Variants in KIF13B observed in about 807,000 individuals in gnomAD.
KIF13B encodes kinesin family member 13B, also known as kinesin-like protein KIF13B.
Under a neutral mutation model 222.0 loss-of-function variants are expected in KIF13B, and 127 were observed. That is an observed-to-expected ratio of 0.57 (90% CI 0.50 to 0.66). KIF13B has a LOEUF of 0.66. Ranked by LOEUF, KIF13B falls within the 30% of genes least tolerant of loss-of-function variation. The pLI is 0.00. For synonymous variants in KIF13B, 976 were observed against 919.0 expected, an observed-to-expected ratio of 1.06 and a Z score of -1.12; for missense variants, 2,173 against 2,379.0, an observed-to-expected ratio of 0.91 and a Z score of 1.80.
chr8:29,153,590 C>T (rs1811392133), intron 14 of KIF13B, among the ~76,000 whole-genome samples: 2 of 151,418 alleles, frequency 1.3e-5, no homozygotes, highest in Non-Finnish European at 2.9e-5. Flanking sequence ...CTGAAGGACT[C>T]GTTTATTAAG....
In KIF13B at chr8:29,140,604, T is replaced by C. The variant is rs1339602148; in HGVS notation, c.2348A>G (p.Tyr783Cys). 1.2e-6 allele frequency: 2 copies of C among 1,613,054 alleles called. No homozygotes were observed. The highest frequency in any genetic ancestry group is 1.7e-5 in the Admixed American group (1 of 59,836). ...CEEDNPVIRSYFKRADPFYDE... is the reference protein window; with the variant it reads ...CEEDNPVIRSCFKRADPFYDE... The stretch of plus-strand genomic sequence containing the variant: ...ATAGAATGGATCAGCACGTTTGAAG[T>C]ATGATCGTATTACCTGTAAAGAGAT... The change falls in exon 20 of 40, where the codon TAC becomes TGC. Residue 783 changes from tyrosine (Y) to cysteine (C), a missense_variant. Around this residue, in one of 2 missense-constraint regions of KIF13B, gnomAD observed 1,480 missense variants for 1,722.8 expected, o/e 0.86. Transcript: ENST00000524189.
At chr8:29,255,101 G>C (rs1248005492) in intron 1 of KIF13B, among the ~76,000 whole-genome samples, 2 of 152,200 alleles carry the variant, frequency 1.3e-5, no homozygotes, top group East Asian at 3.8e-4. Flanking sequence ...CATAGAGTCA[G>C]GAAGTAGATT....
intron 2 of KIF13B, among the ~76,000 whole-genome samples, chr8:29,229,706 A>G (rs1327498178): frequency 6.6e-6 from 1 of 152,222 alleles, no homozygotes; most frequent in Non-Finnish European, 1.5e-5. Context: ...AACTCTGAGC[A>G]ATATTATGCA....
intron 32 of KIF13B, among the ~76,000 whole-genome samples, chr8:29,112,715 C>G (rs1217697052): frequency 2.0e-5 from 3 of 152,164 alleles, no homozygotes; most frequent in Non-Finnish European, 4.4e-5. Context: ...CCTTAGGACC[C>G]TCACTTCTCC....
chr8:29,088,252 G>A lies in KIF13B; in HGVS notation c.4458+4493C>T, dbSNP rs753698667. 3.9e-5 allele frequency among the ~76,000 whole-genome samples: 6 copies of A among 151,924 alleles called. No individual in the cohort carries two copies. The South Asian group carries it at 1.0e-3, about 26-fold the overall frequency. On this transcript the variant is annotated intron_variant, in intron 37 of 39. Transcript: ENST00000524189. Reference sequence around the variant, plus strand: ...CTGTACTCCAGCCTGGGCGACAGAGGGAGACTCCATCTTAAAAAAAAAAAT... The same window carrying A: ...CTGTACTCCAGCCTGGGCGACAGAGAGAGACTCCATCTTAAAAAAAAAAAT...
At position 29,142,165 on chromosome 8, in the gene KIF13B, C is replaced by T. The variant is rs746809012; in HGVS notation, c.2326G>A (p.Asp776Asn). The change falls in exon 19 of 40, where the codon GAT becomes AAT. Residue 776 changes from aspartate to asparagine, a missense_variant. By Grantham distance (23) the Asp-to-Asn change is conservative (BLOSUM62 1). Transcript: ENST00000524189. ...LYQEWKECEEDNPVIRSYFKR... is the reference protein window; with the variant it reads ...LYQEWKECEENNPVIRSYFKR... ...TCTCTTAAATAACTTACTGGGTTAT[C>T]TTCTTCACACTCTTTCCACTCCTGA... is the stretch of plus-strand genomic sequence containing the variant. The T allele has an allele frequency of 8.7e-6, 14 of 1,612,722 alleles. No homozygotes were observed. The highest frequency in any genetic ancestry group is 1.2e-5 in the Non-Finnish European group (14 of 1,179,206).
chr8:29,245,846 C>T (rs985847419), intron 1 of KIF13B, among the ~76,000 whole-genome samples: 5 of 152,092 alleles, frequency 3.3e-5, no homozygotes, highest in Non-Finnish European at 7.4e-5. Flanking sequence ...ACGCAGAATA[C>T]AAGAATATAT....
At chr8:29,165,614 G>A in intron 12 of KIF13B, 48 bp downstream of exon 12, 1 of 1,237,770 alleles carries the variant, frequency 8.1e-7, no homozygotes, top group Admixed American at 1.7e-5. Flanking sequence ...GTCCCATTGT[G>A]CAAACTGCCA....
intron 3 of KIF13B, among the ~76,000 whole-genome samples, chr8:29,191,305 TCACA>T (rs1813173807): frequency 6.6e-6 from 1 of 152,192 alleles, no homozygotes; most frequent in Admixed American, 6.5e-5. Flanking sequence ...GCACCTACAG[TCACA>T]CACACAGAAT....
At chr8:29,176,004 T>G in intron 10 of KIF13B, 64 bp downstream of exon 10, 2 of 894,946 alleles carry the variant, frequency 2.2e-6, no homozygotes. Flanking sequence ...AACAGTCTAC[T>G]CTTTTTTCTT....
chr8:29,150,454 CATAGAG>C, intron 14 of KIF13B, 71 bp from the exon 15 acceptor site: 1 of 738,656 alleles, frequency 1.4e-6, no homozygotes, highest in Non-Finnish European at 2.3e-6. Context: ...TTCCCAATAA[CATAGAG>C]ATATAGTTAC....
chr8:29,246,811 C>T (rs1816046843), intron 1 of KIF13B, among the ~76,000 whole-genome samples: 1 of 152,104 alleles, frequency 6.6e-6, no homozygotes, highest in African/African-American at 2.4e-5. Flanking sequence ...CATTTATGGT[C>T]CATTGATTTT....
intron 1 of KIF13B, among the ~76,000 whole-genome samples, chr8:29,258,188 A>C (rs1816556938): frequency 6.6e-6 from 1 of 152,192 alleles, no homozygotes; most frequent in African/African-American, 2.4e-5. Flanking sequence ...CCTAAGGGTC[A>C]CCTCTATCTT....
Position 29,263,035 on chromosome 8 carries a change from C to T in KIF13B, c.-1G>A. On this transcript the variant is annotated 5_prime_UTR_variant, in exon 1 of 40. Coordinates refer to ENST00000524189, the MANE Select transcript of KIF13B (RefSeq NM_015254.4). ...CCACTTTCACTTTGGAGTCCCCCAT[C>T]CTGCAGCCGCCGAGGAACTCGTTCG... 6.3e-7 allele frequency: 1 copy of T among 1,594,004 alleles called. No homozygotes were observed. The highest frequency in any genetic ancestry group is 8.5e-7 in the Non-Finnish European group (1 of 1,172,040).
At chr8:29,111,657 T>C (rs138855258) in intron 32 of KIF13B, among the ~76,000 whole-genome samples, 44 of 152,148 alleles carry the variant, frequency 2.9e-4, no homozygotes, top group Non-Finnish European at 6.0e-4. Flanking sequence ...AAGCACTTTT[T>C]TTAAAAGGCA....
In KIF13B at chr8:29,147,478, A is replaced by G. The variant is rs544829254; in HGVS notation, c.1938T>C (p.Pro646=). 6.3e-4 allele frequency: 1,019 copies of G among 1,613,370 alleles called. 24 individuals carry two copies. In the South Asian group the frequency reaches 0.011, roughly 17 times the overall value. ...CCATGCTCCGGCAGTTCTGCTTCTCAGGAGACAGCCTTCTCCGGAGCTGCT... is the reference window on the plus strand; with the variant it reads ...CCATGCTCCGGCAGTTCTGCTTCTCGGGAGACAGCCTTCTCCGGAGCTGCT... ...ELEQLRRRLS[P]EKQNCRSMDR... The change falls in exon 17 of 40, where the codon CCT becomes CCC. Residue 646 remains proline (P), a synonymous_variant. Transcript: ENST00000524189.
intron 35 of KIF13B, among the ~76,000 whole-genome samples, chr8:29,105,027 T>C (rs1447755603): frequency 6.6e-6 from 1 of 151,980 alleles, no homozygotes; most frequent in African/African-American, 2.4e-5. Context: ...AGTGCAATGG[T>C]GCAATCATAG....
chr8:29,109,862 A>G, intron 33 of KIF13B, 56 bp downstream of exon 33: 6 of 1,559,320 alleles, frequency 3.8e-6, no homozygotes, highest in Non-Finnish European at 5.3e-6. Context: ...AGTCAAACAC[A>G]GACTCAGCCT....
intron 2 of KIF13B, among the ~76,000 whole-genome samples, chr8:29,208,452 G>A (rs1184001918): frequency 6.6e-6 from 1 of 152,178 alleles, no homozygotes; most frequent in Admixed American, 6.5e-5. Flanking sequence ...GCCTCAGTGG[G>A]TCTGTGAATC....
Sources: gnomAD v4.1 joint callset for allele counts (sites outside exome capture counted in the v4.1 genomes callset) on GRCh38, gnomAD v4.1.1 for gene constraint, gnomAD v4.1.1 regional missense constraint, MANE v1.5 for transcripts, NCBI Gene and HGNC (gene_info 2026-07-23, HGNC 2026-07-21) for gene names.